The following PROX2 variants were observed in gnomAD, a reference collection of about 807,000 sequenced individuals.
The protein encoded by PROX2 is prospero homeobox protein 2.
A neutral mutation model predicts 48.9 loss-of-function variants in PROX2; 46 were observed. The ratio of observed to expected loss-of-function variants is 0.94; its 90% confidence interval spans 0.74 to 1.20. The LOEUF (loss-of-function observed/expected upper bound fraction) is 1.20, where lower values mean the gene tolerates loss of function less well. PROX2 is among the 50% of genes most tolerant of loss of function. The pLI is 0.00. For missense variants in PROX2, 663 were observed against 719.4 expected (o/e 0.92, Z 0.90); for synonymous variants, 260 against 276.6 (o/e 0.94, Z 0.60).
chr14:74,856,640 G>A (rs2286910), intron 5 of PROX2, 161 bp downstream of exon 5: 101,510 of 609,734 alleles, frequency 0.17, 9,463 homozygotes, highest in South Asian at 0.28. Context: ...CCCAAGTGAA[G>A]ATGTTGAGGC....
chr14:74,867,565 A>T (rs1450494668), intron 2 of PROX2, among the ~76,000 whole-genome samples: 2 of 152,138 alleles, frequency 1.3e-5, no homozygotes, highest in African/African-American at 4.8e-5. Context: ...TTGTCCATAA[A>T]TACTTCATTT....
Position 74,863,520 on chromosome 14 carries a change from C to T in PROX2, c.315G>A (p.Lys105=). 6.2e-7 allele frequency: 1 copy of T among 1,613,516 alleles called. No individual in the cohort carries two copies. Among genetic ancestry groups the T allele is most frequent in the Non-Finnish European group, 8.5e-7 (1 of 1,179,684 alleles). Residue 105 remains lysine, a synonymous_variant, in exon 3 of 6, where the codon AAG becomes AAA. Transcript: ENST00000556489. ...GGCCTTGCGGTGTGGGAAGGTTCTG[C>T]TTCCTCTTCCTCTCTCGGGCCTTCT... ...CPKKARERKR[K]QNLPTPQGLL... is the part of the protein sequence containing the mutation.
intron 1 of PROX2, chr14:74,871,715 T>C (rs922128151): frequency 1.3e-5 from 2 of 152,182 alleles, no homozygotes; most frequent in African/African-American, 4.8e-5. Flanking sequence ...GAGGCTATAG[T>C]GAGCCATGAT....
rs1241277308 is a variant in PROX2 at position 74,854,312 on chromosome 14, T to C, written c.*820A>G. 2.3e-6 allele frequency: 1 copy of C among 440,684 alleles called. No homozygotes were observed. The highest frequency in any genetic ancestry group is 4.5e-6 in the Non-Finnish European group (1 of 221,028). The allele number at this position is 440,684 out of a possible 1,614,324, so 27.3% of individuals were successfully genotyped here. On this transcript the variant is annotated 3_prime_UTR_variant, in exon 6 of 6. Transcript: ENST00000556489. ...TGCATAAAGTTTGTCTTGAGTTTGCTGAAATGATCAGCAGAAATCTTGGGC... is the reference window on the plus strand; with the variant it reads ...TGCATAAAGTTTGTCTTGAGTTTGCCGAAATGATCAGCAGAAATCTTGGGC...
intron 2 of PROX2, among the ~76,000 whole-genome samples, chr14:74,868,343 AT>A (rs1883123900): frequency 5.1e-5 from 7 of 136,786 alleles, no homozygotes; most frequent in African/African-American, 1.6e-4. Flanking sequence ...ATATATATAT[AT>A]ATATATATAT....
chr14:74,867,225 C>G (rs145656274), intron 2 of PROX2, among the ~76,000 whole-genome samples: 2 of 152,314 alleles, frequency 1.3e-5, no homozygotes, highest in African/African-American at 4.8e-5. Context: ...CTCAGCTCTT[C>G]ACAAACATGG....
intron 1 of PROX2, among the ~76,000 whole-genome samples, chr14:74,875,144 C>CA (rs1245725132): frequency 2.8e-4 from 41 of 147,064 alleles, no homozygotes; most frequent in East Asian, 1.6e-3. Flanking sequence ...GACTCCATCT[C>CA]AAAAAAAAAT....
chr14:74,865,369 T>C (rs1883028629), intron 2 of PROX2: 3 of 152,040 alleles, frequency 2.0e-5, no homozygotes, highest in African/African-American at 7.2e-5. Flanking sequence ...AACAAATATA[T>C]TTTCAGTGTG....
Position 74,863,018 on chromosome 14 carries a change from G to A in PROX2, c.817C>T (p.Pro273Ser). Residue 273 changes from proline (P) to serine (S), a missense_variant, in exon 3 of 6, where the codon CCT becomes TCT. Pro to Ser is a moderately conservative substitution (Grantham distance 74). Coordinates refer to ENST00000556489, the MANE Select transcript of PROX2 (RefSeq NM_001243007.2). ...QVAEGRSEPS[P>S]PVGGACKDPL... ...TCTTTACAGGCCCCTCCCACAGGAG[G>A]TGAGGGCTCGCTTCTACCCTCTGCC... 6.2e-7 allele frequency: 1 copy of A among 1,613,980 alleles called. No homozygotes were observed. The highest frequency in any genetic ancestry group is 8.5e-7 in the Non-Finnish European group (1 of 1,179,866).
chr14:74,864,930 G>A (rs1460446139), intron 2 of PROX2, among the ~76,000 whole-genome samples: 2 of 151,612 alleles, frequency 1.3e-5, no homozygotes, highest in African/African-American at 4.9e-5. Flanking sequence ...GATCACCTGA[G>A]GTCAAGAGTT....
intron 2 of PROX2, among the ~76,000 whole-genome samples, chr14:74,866,253 G>A (rs923259682): frequency 3.9e-5 from 6 of 152,064 alleles, no homozygotes; most frequent in Admixed American, 6.6e-5. Context: ...GCAAGACTCC[G>A]TCTCGAAAAA....
chr14:74,873,204 C>T (rs1220485440), intron 1 of PROX2, among the ~76,000 whole-genome samples: 2 of 152,126 alleles, frequency 1.3e-5, no homozygotes, highest in South Asian at 2.1e-4. Flanking sequence ...AGGATGGTCT[C>T]AATCTCCTGA....
At chr14:74,856,189 C>T (rs1302520354) in intron 5 of PROX2, 1 of 152,362 alleles carries the variant, frequency 6.6e-6, no homozygotes, top group African/African-American at 2.4e-5. Flanking sequence ...AGGCAACATG[C>T]ATCTCTTGAT....
At chr14:74,870,762 G>A (rs535630119) in intron 2 of PROX2, among the ~76,000 whole-genome samples, 2 of 152,080 alleles carry the variant, frequency 1.3e-5, no homozygotes, top group African/African-American at 4.8e-5. Flanking sequence ...AGTCTAGGCC[G>A]GGCGCAGGGG....
At chr14:74,871,972 C>G (rs765557407) in intron 1 of PROX2, 10 of 152,194 alleles carry the variant, frequency 6.6e-5, no homozygotes, top group Non-Finnish European at 1.3e-4. Flanking sequence ...GGAGAGCTCC[C>G]GAAGCTCTGC....
chr14:74,869,381 C>T (rs1360110078), intron 2 of PROX2, among the ~76,000 whole-genome samples: 8 of 151,766 alleles, frequency 5.3e-5, no homozygotes, highest in Non-Finnish European at 8.8e-5. Flanking sequence ...CACGTTCAAG[C>T]GATTCTCCTG....
chr14:74,867,586 T>G (rs1883093723), intron 2 of PROX2, among the ~76,000 whole-genome samples: 1 of 152,234 alleles, frequency 6.6e-6, no homozygotes, highest in African/African-American at 2.4e-5. Context: ...ATATTGATTT[T>G]TGTCTCCTCA....
chr14:74,867,367 G>A lies in PROX2; in HGVS notation c.-174-3359C>T, dbSNP rs559503525. ...CTTTGCATTTACATTCTCTTGGCCC[G>A]ACCAGCCCTTCTCCCACTTTTCCAC... On this transcript the variant is annotated intron_variant, in intron 2 of 5. Transcript: ENST00000556489. Among the ~76,000 whole-genome samples the A allele has an allele frequency of 3.4e-4, 51 of 152,202 alleles. No homozygotes were observed. In the South Asian group the frequency reaches 9.4e-3, roughly 28 times the overall value.
intron 3 of PROX2, 136 bp from the exon 4 acceptor site, chr14:74,858,650 T>C: frequency 1.7e-6 from 1 of 604,728 alleles, no homozygotes; most frequent in Non-Finnish European, 2.9e-6. Flanking sequence ...TCCATTTTTC[T>C]GTCTCTGGAA....
Sources: allele counts gnomAD v4.1 joint callset (sites outside exome capture counted in the v4.1 genomes callset), GRCh38; gene constraint gnomAD v4.1.1; transcripts MANE v1.5; gene names NCBI Gene and HGNC (gene_info 2026-07-23, HGNC 2026-07-21).